The following NELL1 variants were observed in gnomAD, a reference collection of about 807,000 sequenced individuals.
NELL1 encodes protein kinase C-binding protein NELL1.
Under a neutral mutation model 107.4 loss-of-function variants are expected in NELL1, and 76 were observed. The ratio of observed to expected loss-of-function variants is 0.71; its 90% CI spans 0.59 to 0.86. NELL1 has a LOEUF of 0.86. Ranked by LOEUF, NELL1 falls within the 40% of genes least tolerant of loss-of-function variation. NELL1 has a pLI of 0.00. For synonymous variants in NELL1, 353 were observed against 341.2 expected (o/e 1.03, Z -0.38); for missense variants, 1,024 against 1,005.5 (o/e 1.02, Z -0.25).
intron 13 of NELL1, among the ~76,000 whole-genome samples, chr11:21,181,775 A>C (rs1856831604): frequency 6.6e-6 from 1 of 151,904 alleles, no homozygotes; most frequent in Admixed American, 6.6e-5. Context: ...AGAAACCTTA[A>C]ATCTTCATTT....
intron 14 of NELL1, among the ~76,000 whole-genome samples, chr11:21,264,957 T>C (rs1848607749): frequency 6.6e-6 from 1 of 152,006 alleles, no homozygotes; most frequent in African/African-American, 2.4e-5. Context: ...ACAATCCTCC[T>C]AGATAGGGAG....
intron 12 of NELL1, among the ~76,000 whole-genome samples, chr11:21,003,372 A>G (rs878957274): frequency 1.3e-5 from 2 of 152,202 alleles, no homozygotes; most frequent in Admixed American, 1.3e-4. Context: ...AACAAACTCA[A>G]AGTGCATCAA....
At chr11:21,159,213 C>A (rs1285149477) in intron 13 of NELL1, among the ~76,000 whole-genome samples, 1 of 152,078 alleles carries the variant, frequency 6.6e-6, no homozygotes, top group Non-Finnish European at 1.5e-5. Flanking sequence ...TAGACTTGGA[C>A]CTAGGTCTTG....
chr11:20,716,742 C>G (rs542589952), intron 2 of NELL1, among the ~76,000 whole-genome samples: 5 of 152,306 alleles, frequency 3.3e-5, no homozygotes, highest in Non-Finnish European at 5.9e-5. Flanking sequence ...TCCTTAACTT[C>G]TTCACTTCAT....
chr11:21,151,442 A>G (rs967082805), intron 13 of NELL1, among the ~76,000 whole-genome samples: 1 of 152,002 alleles, frequency 6.6e-6, no homozygotes, highest in Non-Finnish European at 1.5e-5. Context: ...TGATGTGTGT[A>G]TTTGTGTGTG....
chr11:20,836,392 G>A (rs1276562577), intron 3 of NELL1, among the ~76,000 whole-genome samples: 1 of 151,918 alleles, frequency 6.6e-6, no homozygotes, highest in Non-Finnish European at 1.5e-5. Flanking sequence ...CAGTTTGGCA[G>A]TTTCTTACAA....
chr11:20,814,578 C>T lies in NELL1; in HGVS notation c.335+30748C>T, dbSNP rs116490337. On this transcript the variant is annotated intron_variant, in intron 3 of 19. Transcript: ENST00000357134. ...GGTTTTCTATTCTTGTGTTAATTCA[C>T]TTAGGATAACGTCCTTCAGCTACGT... 6.2e-3 allele frequency among the ~76,000 whole-genome samples: 947 copies of T among 152,322 alleles called. 16 individuals carry two copies. Among genetic ancestry groups the T allele is most frequent in the African/African-American group, 0.022 (897 of 41,574 alleles).
At chr11:20,970,773 T>C (rs1390262551) in intron 12 of NELL1, among the ~76,000 whole-genome samples, 3 of 145,128 alleles carry the variant, frequency 2.1e-5, no homozygotes, top group Non-Finnish European at 4.5e-5. Flanking sequence ...GCATTTTGAA[T>C]GTGCTAAGAA....
chr11:21,466,458 C>T (rs148815438), intron 15 of NELL1, among the ~76,000 whole-genome samples: 312 of 152,288 alleles, frequency 2.0e-3, no homozygotes, highest in African/African-American at 7.1e-3. Context: ...GCAGTGTGCT[C>T]ACCCAGAGAG....
At position 21,534,376 on chromosome 11, in the gene NELL1, A is replaced by G. The variant is rs1856075820; in HGVS notation, c.1648A>G (p.Ile550Val). 1 of 1,613,720 alleles carries G rather than the reference A, an allele frequency of 6.2e-7. No individual in the cohort carries two copies. ...GFTGSHCEKD[I>V]DECSEGIIEC... ...GCTTGTGTTTTTCTCTGAGGCAGATATTGATGAATGTTCAGAGGGAATCAT... is the reference window on the plus strand; with the variant it reads ...GCTTGTGTTTTTCTCTGAGGCAGATGTTGATGAATGTTCAGAGGGAATCAT... Residue 550 changes from isoleucine to valine, a missense_variant and splice_region_variant, in exon 16 of 20, where the codon ATT (isoleucine) becomes GTT (valine). Ile to Val is a conservative substitution (Grantham distance 29). Coordinates refer to ENST00000357134, the MANE Select transcript of NELL1 (RefSeq NM_006157.5).
At chr11:21,446,805 G>A (rs923464263) in intron 15 of NELL1, among the ~76,000 whole-genome samples, 2 of 152,148 alleles carry the variant, frequency 1.3e-5, no homozygotes, top group African/African-American at 4.8e-5. Flanking sequence ...AAGCCTTGGG[G>A]CTCCACAATC....
In NELL1 at chr11:21,313,592, C is replaced by T. The variant is rs78276936; in HGVS notation, c.1550-57261C>T. ...ATACTAGGTAGTTTATAAAGGAAAC[C>T]AATATACTTCTTACAGTTCTAGAGG... is the stretch of plus-strand genomic sequence containing the variant. On this transcript the variant is annotated intron_variant, in intron 14 of 19. Transcript: ENST00000357134. Among the ~76,000 whole-genome samples the T allele has an allele frequency of 5.3e-5, 8 of 152,196 alleles. No homozygotes were observed. The East Asian group carries it at 1.5e-3, about 29-fold the overall frequency.
At chr11:21,229,250 G>A in intron 13 of NELL1, 82 bp from the exon 14 acceptor site, 1 of 1,517,912 alleles carries the variant, frequency 6.6e-7, no homozygotes, top group Non-Finnish European at 9.0e-7. Flanking sequence ...TTCTTATTTG[G>A]TGAATTCCAG....
intron 3 of NELL1, among the ~76,000 whole-genome samples, chr11:20,846,919 A>G (rs1848710569): frequency 6.6e-6 from 1 of 152,216 alleles, no homozygotes; most frequent in Non-Finnish European, 1.5e-5. Context: ...TGCAGACCAC[A>G]GTGGTAAGGC....
chr11:20,966,686 C>T (rs35381347), intron 12 of NELL1, among the ~76,000 whole-genome samples: 21,995 of 151,910 alleles, frequency 0.14, 1,708 homozygotes, highest in Middle Eastern at 0.28. Flanking sequence ...ATGTCATCTT[C>T]CTCCCAGCAG....
chr11:20,991,610 T>C (rs1194925368), intron 12 of NELL1, among the ~76,000 whole-genome samples: 2 of 152,224 alleles, frequency 1.3e-5, no homozygotes, highest in Non-Finnish European at 2.9e-5. Flanking sequence ...GGAGAAGGCA[T>C]GTCTGGCCAG....
chr11:21,218,268 A>G (rs1296397403), intron 13 of NELL1, among the ~76,000 whole-genome samples: 1 of 152,180 alleles, frequency 6.6e-6, no homozygotes, highest in Non-Finnish European at 1.5e-5. Flanking sequence ...TTTGCTTCAA[A>G]TGCCTATCTG....
At chr11:20,895,253 C>T (rs1399831110) in intron 5 of NELL1, among the ~76,000 whole-genome samples, 2 of 87,100 alleles carry the variant, frequency 2.3e-5, no homozygotes, top group Non-Finnish European at 4.1e-5. Context: ...GCCTGGGCGA[C>T]AGAGCGAGAC....
intron 2 of NELL1, among the ~76,000 whole-genome samples, chr11:20,775,894 A>G (rs1357077292): frequency 2.0e-5 from 3 of 152,248 alleles, no homozygotes; most frequent in Non-Finnish European, 4.4e-5. Flanking sequence ...AGTTAGGGAC[A>G]TTGAACTGGC....
Sources: allele counts gnomAD v4.1 joint callset (sites outside exome capture counted in the v4.1 genomes callset), GRCh38; gene constraint gnomAD v4.1.1; transcripts MANE v1.5; gene names NCBI Gene and HGNC (gene_info 2026-07-23, HGNC 2026-07-21).